Variants in C10orf90 observed in about 807,000 individuals in gnomAD.
The protein encoded by C10orf90 is chromosome 10 open reading frame 90, also known as (E2-independent) E3 ubiquitin-conjugating enzyme FATS.
In C10orf90, 56 loss-of-function variants were observed where a neutral mutation model predicts 62.5. The ratio of observed to expected loss-of-function variants is 0.90; its 90% CI spans 0.72 to 1.12. The LOEUF (loss-of-function observed/expected upper bound fraction) is 1.12, where lower values mean the gene tolerates loss of function less well. C10orf90 is among the 50% of genes most tolerant of loss of function. The pLI is 0.00. For synonymous variants in C10orf90, 386 were observed against 340.4 expected, an observed-to-expected ratio of 1.13 and a Z score of -1.47; for missense variants, 970 against 880.4, an observed-to-expected ratio of 1.10 and a Z score of -1.29.
intron 8 of C10orf90, among the ~76,000 whole-genome samples, chr10:126,428,359 T>C (rs1327135122): frequency 6.6e-6 from 1 of 152,086 alleles, no homozygotes; most frequent in African/African-American, 2.4e-5. Context: ...TCTCCATTGT[T>C]TGCATTTTTA....
At chr10:126,623,715 C>T (rs974484930) in intron 2 of C10orf90, among the ~76,000 whole-genome samples, 7 of 151,940 alleles carry the variant, frequency 4.6e-5, no homozygotes, top group African/African-American at 1.2e-4. Flanking sequence ...GTGGTGGGCG[C>T]CTGTAATCTC....
At chr10:126,476,222 C>G (rs1295797630) in intron 4 of C10orf90, among the ~76,000 whole-genome samples, 1 of 152,206 alleles carries the variant, frequency 6.6e-6, no homozygotes, top group Admixed American at 6.5e-5. Context: ...CCGCTGGAAG[C>G]GCTTCCTAGC....
intron 2 of C10orf90, among the ~76,000 whole-genome samples, chr10:126,595,642 A>G (rs1279258403): frequency 6.6e-6 from 1 of 152,020 alleles, no homozygotes; most frequent in Non-Finnish European, 1.5e-5. Context: ...CAAAACTACA[A>G]CCTTCTCTGG....
chr10:126,495,314 AG>A (rs781702615), intron 4 of C10orf90, among the ~76,000 whole-genome samples: 1 of 152,184 alleles, frequency 6.6e-6, no homozygotes, highest in Non-Finnish European at 1.5e-5. Context: ...ACCTGAAGCC[AG>A]GAGTGAGTGT....
chr10:126,663,149 C>A (rs1375870100), intron 1 of C10orf90, among the ~76,000 whole-genome samples: 4 of 152,158 alleles, frequency 2.6e-5, no homozygotes, highest in African/African-American at 9.7e-5. Context: ...GTCCTCAGAA[C>A]TGTAAGGAAG....
chr10:126,549,744 C>CAAAAA (rs35430859), intron 2 of C10orf90, among the ~76,000 whole-genome samples: 2 of 143,756 alleles, frequency 1.4e-5, no homozygotes, highest in African/African-American at 2.6e-5. Flanking sequence ...TTCATAATAG[C>CAAAAA]AAAAAAAAAA....
chr10:126,464,675 C>A (rs371768407), intron 5 of C10orf90, 21 bp downstream of exon 5: 16 of 1,586,310 alleles, frequency 1.0e-5, no homozygotes, highest in Non-Finnish European at 1.3e-5. Flanking sequence ...AATGATGTCA[C>A]CCACCACCCT....
chr10:126,494,100 C>A (rs1402528405), intron 4 of C10orf90, among the ~76,000 whole-genome samples: 1 of 152,186 alleles, frequency 6.6e-6, no homozygotes, highest in Non-Finnish European at 1.5e-5. Flanking sequence ...TCACTACCTA[C>A]AGAGGCCATC....
chr10:126,504,810 A>T lies in C10orf90; in HGVS notation c.681T>A (p.Cys227Ter). ...ATGCAAACCCTCTGCGGGGGCCCCC[A>T]CAGGGTCTCTCCTCTTTGGGCGGCA... ...AELPPKEERPCGGPRRGFASI... is the reference protein window; with the variant it reads ...AELPPKEERP Residue 227 changes from cysteine to a stop codon, truncating the protein, a stop_gained, in exon 4 of 10, where the codon TGT becomes TGA. Transcript: ENST00000488181. LOFTEE classifies it high-confidence loss of function. The surrounding 1 kb of genome is among the most constrained non-coding windows in gnomAD (Gnocchi z 4.1). 2 of 1,592,090 alleles carry T rather than the reference A, an allele frequency of 1.3e-6. No homozygotes were observed. Among genetic ancestry groups the T allele is most frequent in the Admixed American group, 1.7e-5 (1 of 58,458 alleles).
intron 2 of C10orf90, among the ~76,000 whole-genome samples, chr10:126,549,266 C>A (rs1864573417): frequency 6.6e-6 from 1 of 152,048 alleles, no homozygotes; most frequent in South Asian, 2.1e-4. Flanking sequence ...ACATAGCTGA[C>A]AAAGGACTAA....
intron 2 of C10orf90, among the ~76,000 whole-genome samples, chr10:126,597,243 G>T (rs1160001922): frequency 6.6e-6 from 1 of 152,226 alleles, no homozygotes; most frequent in Non-Finnish European, 1.5e-5. Flanking sequence ...TCCACAAAAA[G>T]ACTTGTATGA....
intron 2 of C10orf90, chr10:126,521,463 G>A: frequency 6.7e-7 from 1 of 1,485,974 alleles, no homozygotes; most frequent in Non-Finnish European, 8.9e-7. Context: ...CCACCTTCCA[G>A]CCTCGGCCAA....
intron 4 of C10orf90, among the ~76,000 whole-genome samples, chr10:126,497,212 G>A (rs1213181319): frequency 6.6e-6 from 1 of 152,182 alleles, no homozygotes; most frequent in African/African-American, 2.4e-5. Context: ...AAGGTGGCAG[G>A]CAAGCTGGAG....
chr10:126,657,910 C>T (rs893251252), intron 1 of C10orf90, among the ~76,000 whole-genome samples: 6 of 152,128 alleles, frequency 3.9e-5, no homozygotes, highest in African/African-American at 1.4e-4. Flanking sequence ...GCCACTGTGC[C>T]CAGCTACCAA....
intron 2 of C10orf90, among the ~76,000 whole-genome samples, chr10:126,603,945 C>T (rs186172940): frequency 4.0e-4 from 61 of 152,250 alleles, no homozygotes; most frequent in Admixed American, 1.0e-3. Flanking sequence ...CCCTCCCCTT[C>T]GACTCAAAGG....
intron 2 of C10orf90, among the ~76,000 whole-genome samples, chr10:126,555,983 A>C (rs1357644115): frequency 6.6e-6 from 1 of 152,212 alleles, no homozygotes; most frequent in Non-Finnish European, 1.5e-5. Flanking sequence ...AAAATGATAC[A>C]ATTTTGGTGA....
At chr10:126,615,794 A>G (rs1197807226) in intron 2 of C10orf90, among the ~76,000 whole-genome samples, 1 of 152,182 alleles carries the variant, frequency 6.6e-6, no homozygotes, top group Non-Finnish European at 1.5e-5. Context: ...GGGAGTAGAG[A>G]GACACAGAAA....
At chr10:126,527,172 C>T (rs1591070776) in intron 2 of C10orf90, among the ~76,000 whole-genome samples, 1 of 152,166 alleles carries the variant, frequency 6.6e-6, no homozygotes, top group South Asian at 2.1e-4. Context: ...ATTTTGCATT[C>T]CCACCAGCGA....
chr10:126,447,651 T>C (rs969636789), intron 7 of C10orf90, among the ~76,000 whole-genome samples: 2 of 152,074 alleles, frequency 1.3e-5, no homozygotes, highest in African/African-American at 4.8e-5. Context: ...AAGAAAACAT[T>C]GGACTTAAAC....
Sources: allele counts gnomAD v4.1 joint callset (sites outside exome capture counted in the v4.1 genomes callset), GRCh38; gene constraint gnomAD v4.1.1; non-coding constraint Gnocchi (gnomAD v3.1); transcripts MANE v1.5; gene names NCBI Gene and HGNC (gene_info 2026-07-23, HGNC 2026-07-21).